The following KLHL32 variants were observed in gnomAD, a reference collection of about 807,000 sequenced individuals.
The protein encoded by KLHL32 is kelch-like protein 32.
In KLHL32, 35 loss-of-function variants were observed where a neutral mutation model predicts 64.8. The ratio of observed to expected loss-of-function variants is 0.54; its 90% CI spans 0.41 to 0.72. KLHL32 has a LOEUF of 0.72. Among genes scored for constraint, KLHL32 ranks in the 30% least tolerant of loss-of-function variants. KLHL32 has a pLI of 0.00. For synonymous variants in KLHL32, 259 were observed against 281.0 expected, an observed-to-expected ratio of 0.92 and a Z score of 0.78; for missense variants, 589 against 768.5, an observed-to-expected ratio of 0.77 and a Z score of 2.76.
At chr6:96,930,267 T>C (rs1769695962) in intron 1 of KLHL32, among the ~76,000 whole-genome samples, 1 of 152,180 alleles carries the variant, frequency 6.6e-6, no homozygotes, top group African/African-American at 2.4e-5. Flanking sequence ...AGAAACCTTA[T>C]TATTTATGAT....
chr6:97,106,718 C>T (rs866278772), intron 6 of KLHL32, among the ~76,000 whole-genome samples: 9 of 149,732 alleles, frequency 6.0e-5, no homozygotes, highest in Non-Finnish European at 1.0e-4. Context: ...CACTCCACTC[C>T]GGGTGACAGA....
intron 2 of KLHL32, among the ~76,000 whole-genome samples, chr6:96,973,224 G>C (rs1775299091): frequency 6.6e-6 from 1 of 152,088 alleles, no homozygotes; most frequent in Non-Finnish European, 1.5e-5. Flanking sequence ...AAAAGCTGAG[G>C]CTTTTATTCT....
intron 3 of KLHL32, among the ~76,000 whole-genome samples, chr6:97,029,250 G>A (rs2128112745): frequency 6.6e-6 from 1 of 152,238 alleles, no homozygotes; most frequent in South Asian, 2.1e-4. Context: ...GTTTTGAAGA[G>A]CTCATTATCA....
chr6:96,974,354 CTAAT>C (rs1445774612), intron 2 of KLHL32, among the ~76,000 whole-genome samples: 6 of 152,282 alleles, frequency 3.9e-5, no homozygotes, highest in African/African-American at 1.4e-4. Context: ...ATTTGAGATG[CTAAT>C]TAATTGAGTG....
chr6:96,976,273 ACC>A, intron 3 of KLHL32, 96 bp downstream of exon 3: 1 of 1,192,866 alleles, frequency 8.4e-7, no homozygotes, highest in Non-Finnish European at 1.2e-6. Flanking sequence ...ATTAGGTGGT[ACC>A]CCCAGAGCTG....
chr6:97,031,403 A>G (rs976081763), intron 3 of KLHL32, among the ~76,000 whole-genome samples: 2 of 151,736 alleles, frequency 1.3e-5, no homozygotes, highest in African/African-American at 4.8e-5. Context: ...TGGTGTGATC[A>G]TGGCTCACTG....
intron 1 of KLHL32, among the ~76,000 whole-genome samples, chr6:96,934,613 T>A (rs754173310): frequency 2.0e-5 from 3 of 152,268 alleles, no homozygotes; most frequent in Non-Finnish European, 4.4e-5. Context: ...AAACAGAGGT[T>A]ATCATTTTCT....
chr6:96,930,980 C>T (rs1361234970), intron 1 of KLHL32, among the ~76,000 whole-genome samples: 6 of 152,252 alleles, frequency 3.9e-5, no homozygotes, highest in East Asian at 3.9e-4. Context: ...AAGTACCTGG[C>T]GGGTACAGAC....
At chr6:97,060,171 T>A (rs772860339) in intron 4 of KLHL32, among the ~76,000 whole-genome samples, 8 of 151,922 alleles carry the variant, frequency 5.3e-5, no homozygotes, top group Non-Finnish European at 1.2e-4. Flanking sequence ...ATGAAGAAGA[T>A]AGCTTTGAAG....
At chr6:96,910,996 A>G in the KLHL32 span, among the ~76,000 whole-genome samples, 4 of 152,232 alleles carry the variant, frequency 2.6e-5, no homozygotes, top group African/African-American at 9.6e-5. Flanking sequence ...TAATTGTGTA[A>G]ATAACATAAT....
chr6:97,037,532 G>A (rs752535343), intron 3 of KLHL32, among the ~76,000 whole-genome samples: 12 of 152,030 alleles, frequency 7.9e-5, no homozygotes, highest in Non-Finnish European at 4.4e-5. Context: ...GAAAGAAGAT[G>A]ATGCCAAAAA....
chr6:97,032,460 C>T (rs1257149901), intron 3 of KLHL32, among the ~76,000 whole-genome samples: 1 of 152,150 alleles, frequency 6.6e-6, no homozygotes, highest in African/African-American at 2.4e-5. Context: ...CTATTCTATG[C>T]CAGTGTTATC....
intron 4 of KLHL32, among the ~76,000 whole-genome samples, chr6:97,058,593 T>C (rs907313599): frequency 9.9e-5 from 15 of 152,240 alleles, no homozygotes; most frequent in African/African-American, 3.6e-4. Context: ...TACAGCTATG[T>C]GTAGCCACCC....
At chr6:97,044,038 G>A (rs1266493976) in intron 4 of KLHL32, among the ~76,000 whole-genome samples, 2 of 151,944 alleles carry the variant, frequency 1.3e-5, no homozygotes, top group Non-Finnish European at 2.9e-5. Context: ...TTGAATAGAA[G>A]TGGTCAAAAT....
intron 1 of KLHL32, among the ~76,000 whole-genome samples, chr6:96,958,696 C>CT (rs1773544555): frequency 2.0e-5 from 3 of 152,328 alleles, no homozygotes; most frequent in Middle Eastern, 3.4e-3. Flanking sequence ...TTGGCTAGAA[C>CT]TGGATCTTCA....
chr6:97,092,710 T>C (rs527590912), intron 6 of KLHL32, among the ~76,000 whole-genome samples: 166 of 152,346 alleles, frequency 1.1e-3, no homozygotes, highest in African/African-American at 4.0e-3. Context: ...TTCTAATCTA[T>C]ATGCGGCTAA....
chr6:97,068,411 G>A (rs1790159728), intron 5 of KLHL32, among the ~76,000 whole-genome samples: 1 of 152,140 alleles, frequency 6.6e-6, no homozygotes, highest in South Asian at 2.1e-4. Flanking sequence ...CTAGACAGCA[G>A]GTGGCAGTGT....
chr6:96,954,600 G>C (rs948783956), intron 1 of KLHL32, among the ~76,000 whole-genome samples: 17 of 152,124 alleles, frequency 1.1e-4, no homozygotes, highest in Admixed American at 2.0e-4. Flanking sequence ...TGGCATTCTG[G>C]AAGTTGAATG....
At chr6:97,016,888 G>C (rs911112865) in intron 3 of KLHL32, among the ~76,000 whole-genome samples, 1 of 152,080 alleles carries the variant, frequency 6.6e-6, no homozygotes, top group Non-Finnish European at 1.5e-5. Context: ...TTTTATAAGA[G>C]GCCCTATCCC....
Sources: gnomAD v4.1 joint callset for allele counts (sites outside exome capture counted in the v4.1 genomes callset) on GRCh38, gnomAD v4.1.1 for gene constraint, MANE v1.5 for transcripts, NCBI Gene and HGNC (gene_info 2026-07-23, HGNC 2026-07-21) for gene names.